The following DGKI variants were observed in gnomAD, a reference collection of about 807,000 sequenced individuals.
DGKI encodes the protein DAG kinase iota.
In DGKI, 55 loss-of-function variants were observed where a neutral mutation model predicts 147.5. The ratio of observed to expected loss-of-function variants is 0.37; its 90% CI spans 0.30 to 0.47. The LOEUF is 0.47. Among genes scored for constraint, DGKI ranks in the 20% least tolerant of loss-of-function variants. The pLI, the probability that DGKI is intolerant of heterozygous loss-of-function variation, is 1.00. For synonymous variants in DGKI, 469 were observed against 477.1 expected (o/e 0.98, Z 0.22); for missense variants, 1,007 against 1,323.8 (o/e 0.76, Z 3.71).
At chr7:137,509,455 G>A (rs914287025) in intron 21 of DGKI, among the ~76,000 whole-genome samples, 1 of 152,164 alleles carries the variant, frequency 6.6e-6, no homozygotes, top group African/African-American at 2.4e-5. Context: ...CCAGTTGGAT[G>A]GGAAGAGGGA....
intron 21 of DGKI, among the ~76,000 whole-genome samples, chr7:137,505,130 TG>T (rs1220744434): frequency 1.4e-4 from 2 of 14,770 alleles, no homozygotes; most frequent in Admixed American, 7.2e-4. Context: ...TTTCTGGGGG[TG>T]GGGGGATGGG....
chr7:137,436,830 C>T (rs748586899), intron 28 of DGKI, among the ~76,000 whole-genome samples: 15 of 150,408 alleles, frequency 1.0e-4, no homozygotes, highest in African/African-American at 2.8e-4. Flanking sequence ...CTCATAAATA[C>T]GATATTGATT....
intron 20 of DGKI, among the ~76,000 whole-genome samples, chr7:137,536,605 A>G (rs1161666769): frequency 6.6e-6 from 1 of 152,218 alleles, no homozygotes; most frequent in South Asian, 2.1e-4. Context: ...ACAGAACTTC[A>G]AAGCTGATAG....
At chr7:137,445,738 G>C (rs1304269662) in intron 27 of DGKI, among the ~76,000 whole-genome samples, 2 of 152,060 alleles carry the variant, frequency 1.3e-5, no homozygotes, top group Non-Finnish European at 2.9e-5. Flanking sequence ...CCTGCTCCTA[G>C]GCCAGCTGCA....
Position 137,599,823 on chromosome 7 carries a change from G to A in DGKI, c.1250C>T (p.Ala417Val), listed in dbSNP as rs1022982967. 9 of 1,612,942 alleles carry A rather than the reference G, an allele frequency of 5.6e-6. No individual in the cohort carries two copies. Among genetic ancestry groups the A allele is most frequent in the African/African-American group, 1.3e-5 (1 of 74,872 alleles). The change falls in exon 11 of 33, where the codon GCG becomes GTG. Residue 417 changes from alanine (A) to valine (V), a missense_variant and splice_region_variant. This residue lies in a region of DGKI where 224 missense variants were observed against 382.7 expected (regional missense o/e 0.59). Coordinates refer to ENST00000614521, the MANE Select transcript of DGKI (RefSeq NM_001321708.2). ...CCATGGAGAATATTTCCAGACTTAC[G>A]CATCTTTTGGCCCTTCCTGAGAAAG... ...FDLSQEGPKD[A>V]LELYRKVPNL... is the part of the protein sequence containing the mutation.
At chr7:137,831,688 A>G (rs552637260) in intron 1 of DGKI, among the ~76,000 whole-genome samples, 5 of 152,316 alleles carry the variant, frequency 3.3e-5, no homozygotes, top group Admixed American at 2.6e-4. Context: ...GCCCCTGCCA[A>G]ATCTCATGTC....
At chr7:137,623,384 T>C (rs1585298079) in intron 7 of DGKI, 99 bp downstream of exon 7, 2 of 1,129,780 alleles carry the variant, frequency 1.8e-6, no homozygotes, top group East Asian at 2.4e-5. Flanking sequence ...TACATTAAAT[T>C]AGGAATGCCT....
intron 1 of DGKI, among the ~76,000 whole-genome samples, chr7:137,724,531 T>C (rs940385924): frequency 6.6e-6 from 1 of 152,158 alleles, no homozygotes; most frequent in Non-Finnish European, 1.5e-5. Context: ...GAGGTATATC[T>C]TGAAAGCAGA....
chr7:137,714,156 T>C (rs1221642219), intron 1 of DGKI, among the ~76,000 whole-genome samples: 2 of 152,210 alleles, frequency 1.3e-5, no homozygotes, highest in African/African-American at 4.8e-5. Flanking sequence ...GATTATTTGC[T>C]ATTATCAATA....
intron 1 of DGKI, among the ~76,000 whole-genome samples, chr7:137,748,327 A>G (rs1470819814): frequency 3.9e-5 from 6 of 152,076 alleles, no homozygotes; most frequent in Non-Finnish European, 7.4e-5. Flanking sequence ...AAACTTATGT[A>G]TATAAACACA....
chr7:137,395,337 G>T (rs1165969323), intron 32 of DGKI, among the ~76,000 whole-genome samples: 5 of 152,200 alleles, frequency 3.3e-5, no homozygotes, highest in African/African-American at 1.2e-4. Context: ...CTAGCGCTCA[G>T]CAGGACAACC....
intron 23 of DGKI, among the ~76,000 whole-genome samples, chr7:137,472,134 T>C (rs1352105706): frequency 1.0e-4 from 12 of 118,634 alleles, no homozygotes; most frequent in Admixed American, 2.0e-4. Context: ...TATATACACA[T>C]ATATATGTGT....
Position 137,609,688 on chromosome 7 carries a change from G to A in DGKI, c.994-79C>T, listed in dbSNP as rs1820303123. On this transcript the variant is annotated intron_variant, in intron 8 of 32. Coordinates refer to ENST00000614521, the MANE Select transcript of DGKI (RefSeq NM_001321708.2). The stretch of plus-strand genomic sequence containing the variant: ...TCCCATGCAGAACCAAGTAGAAGAT[G>A]ACGGCAGCGCATGCTGTTCCACTGC... The A allele has an allele frequency of 7.0e-6, 7 of 994,644 alleles. No individual in the cohort carries two copies. In the East Asian group the frequency reaches 1.7e-4, roughly 24 times the overall value. 61.6% of individuals were successfully genotyped at this position (994,644 alleles called of 1,614,324 possible). A position where few individuals can be genotyped will look rare whatever the true frequency, so the allele number is the denominator to read the frequency against.
At chr7:137,530,652 A>T (rs1313249704) in intron 20 of DGKI, among the ~76,000 whole-genome samples, 1 of 152,104 alleles carries the variant, frequency 6.6e-6, no homozygotes, top group Non-Finnish European at 1.5e-5. Context: ...GACTTCCTAA[A>T]TTTGCGATGA....
Position 137,427,781 on chromosome 7 carries a change from A to T in DGKI, c.2762-15574T>A, listed in dbSNP as rs376963097. On this transcript the variant is annotated intron_variant, in intron 28 of 32. Coordinates refer to ENST00000614521, the MANE Select transcript of DGKI (RefSeq NM_001321708.2). ...GAGAATACTACAAACACCTCTACGC[A>T]AATCAACTAGAATACCTAGAAGAAA... Among the ~76,000 whole-genome samples the T allele has an allele frequency of 5.3e-4, 81 of 152,366 alleles. 1 individual carries two copies. The South Asian group carries it at 9.9e-3, about 19-fold the overall frequency.
rs148722510 is a variant in DGKI, at chr7:137,524,361, C to T, written c.2148-2395G>A. ...TTATCTCTGTGTGGTGAAACCTGGG[C>T]ATTATTTTATATCAAGTATAATTTT... is the stretch of plus-strand genomic sequence containing the variant. On this transcript the variant is annotated intron_variant, in intron 20 of 32. Coordinates refer to ENST00000614521, the MANE Select transcript of DGKI (RefSeq NM_001321708.2). Among the ~76,000 whole-genome samples the T allele has an allele frequency of 3.1e-3, 464 of 152,086 alleles. 5 individuals carry two copies. Among genetic ancestry groups the T allele is most frequent in the African/African-American group, 0.011 (446 of 41,494 alleles).
At chr7:137,719,565 G>A (rs1794484398) in intron 1 of DGKI, among the ~76,000 whole-genome samples, 1 of 152,054 alleles carries the variant, frequency 6.6e-6, no homozygotes, top group East Asian at 1.9e-4. Flanking sequence ...GGTTGGGAAG[G>A]CAGTGTCACT....
At chr7:137,709,619 T>C (rs887622517) in intron 1 of DGKI, among the ~76,000 whole-genome samples, 1 of 152,130 alleles carries the variant, frequency 6.6e-6, no homozygotes, top group Non-Finnish European at 1.5e-5. Flanking sequence ...TAAATTTCCC[T>C]GCATGTCCAA....
chr7:137,530,385 C>A (rs1257653311), intron 20 of DGKI, among the ~76,000 whole-genome samples: 1 of 152,122 alleles, frequency 6.6e-6, no homozygotes, highest in East Asian at 1.9e-4. Context: ...CTTCTTTGCT[C>A]CTTCCACTAA....
Sources: gnomAD v4.1 joint callset for allele counts (sites outside exome capture counted in the v4.1 genomes callset) on GRCh38, gnomAD v4.1.1 for gene constraint, gnomAD v4.1.1 regional missense constraint, MANE v1.5 for transcripts, NCBI Gene and HGNC (gene_info 2026-07-23, HGNC 2026-07-21) for gene names.